The following SHANK2 variants were observed in gnomAD, a reference collection of about 807,000 sequenced individuals.
SHANK2 encodes SH3 and multiple ankyrin repeat domains protein 2.
A neutral mutation model predicts 133.7 loss-of-function variants in SHANK2; 43 were observed. The ratio of observed to expected loss-of-function variants is 0.32; its 90% CI spans 0.25 to 0.41. The LOEUF is 0.41. Among genes scored for constraint, SHANK2 ranks in the 10% least tolerant of loss-of-function variants. The pLI is 1.00. For synonymous variants in SHANK2, 1,017 were observed against 952.8 expected (o/e 1.07, Z -1.24); for missense variants, 1,994 against 2,235.8 (o/e 0.89, Z 2.18).
chr11:70,625,825 A>AC (rs2060897795), intron 17 of SHANK2, among the ~76,000 whole-genome samples: 1 of 151,014 alleles, frequency 6.6e-6, no homozygotes, highest in Admixed American at 6.6e-5. Context: ...AAAAAAAAAA[A>AC]AAAAAAAAAA....
At chr11:70,546,409 C>G (rs1480634567) in intron 17 of SHANK2, among the ~76,000 whole-genome samples, 4 of 152,136 alleles carry the variant, frequency 2.6e-5, no homozygotes, top group Non-Finnish European at 5.9e-5. Context: ...TCCGCCTCCC[C>G]TAAGTATCAT....
chr11:70,892,028 C>T (rs1565387922), intron 11 of SHANK2, among the ~76,000 whole-genome samples: 2 of 152,172 alleles, frequency 1.3e-5, no homozygotes, highest in Non-Finnish European at 2.9e-5. Flanking sequence ...TGATGTCTCT[C>T]GAAAGCTCAG....
At chr11:71,167,501 G>T (rs373605953) in intron 2 of SHANK2, among the ~76,000 whole-genome samples, 2 of 124,534 alleles carry the variant, frequency 1.6e-5, no homozygotes, top group Non-Finnish European at 3.3e-5. Context: ...GGGCAGAGGC[G>T]CCCCTCACCT....
intron 14 of SHANK2, among the ~76,000 whole-genome samples, chr11:70,790,648 C>T (rs1048217777): frequency 9.2e-5 from 14 of 152,190 alleles, no homozygotes; most frequent in South Asian, 2.1e-4. Context: ...TTCCCATGAT[C>T]GGGTGAGCCA....
intron 5 of SHANK2, among the ~76,000 whole-genome samples, 177 bp downstream of exon 5, chr11:71,113,116 G>A (rs546350742): frequency 2.4e-4 from 37 of 152,264 alleles, no homozygotes; most frequent in African/African-American, 7.2e-4. Flanking sequence ...CTCCCGGGTG[G>A]GTCTCCGCAG....
At chr11:70,580,532 T>C (rs1181597258) in intron 17 of SHANK2, among the ~76,000 whole-genome samples, 1 of 152,230 alleles carries the variant, frequency 6.6e-6, no homozygotes, top group African/African-American at 2.4e-5. Context: ...GTCTGGGCAG[T>C]CTGGGTCTGC....
intron 17 of SHANK2, among the ~76,000 whole-genome samples, chr11:70,628,332 A>G (rs190413745): frequency 6.6e-6 from 1 of 152,262 alleles, no homozygotes; most frequent in Non-Finnish European, 1.5e-5. Context: ...CGTGGAAGCC[A>G]AATTCTGACG....
chr11:70,629,782 A>G lies in SHANK2; in HGVS notation c.2061+30046T>C, dbSNP rs901410238. On this transcript the variant is annotated intron_variant, in intron 17 of 25. Transcript: ENST00000601538. ...CTAATGCCCTGACTCCAATAAGCCT[A>G]TCTCTGGGCCTCAGTTTCCCCAAGT... Among the ~76,000 whole-genome samples the G allele has an allele frequency of 1.6e-4, 25 of 152,150 alleles. 1 individual carries two copies. Among genetic ancestry groups the G allele is most frequent in the African/African-American group, 5.1e-4 (21 of 41,436 alleles).
intron 10 of SHANK2, among the ~76,000 whole-genome samples, chr11:70,929,605 G>C (rs781957537): frequency 6.6e-6 from 1 of 152,080 alleles, no homozygotes; most frequent in Non-Finnish European, 1.5e-5. Context: ...TCCGACCTCC[G>C]TGCCTGTTGT....
chr11:70,685,389 G>T (rs1945123155), intron 15 of SHANK2, among the ~76,000 whole-genome samples: 1 of 152,116 alleles, frequency 6.6e-6, no homozygotes, highest in Non-Finnish European at 1.5e-5. Context: ...CATGGTGCCA[G>T]CTGTTATACC....
At chr11:70,637,321 G>A (rs1462891210) in intron 17 of SHANK2, among the ~76,000 whole-genome samples, 1 of 152,156 alleles carries the variant, frequency 6.6e-6, no homozygotes, top group African/African-American at 2.4e-5. Flanking sequence ...GGCCCAGGCT[G>A]GTGCTGAGTA....
chr11:70,672,462 C>T (rs1395975234), intron 15 of SHANK2, among the ~76,000 whole-genome samples: 1 of 152,194 alleles, frequency 6.6e-6, no homozygotes, highest in Non-Finnish European at 1.5e-5. Context: ...CCTCCCATTC[C>T]AGCCATGCTG....
intron 2 of SHANK2, among the ~76,000 whole-genome samples, chr11:71,154,583 A>C (rs1555108686): frequency 6.6e-6 from 1 of 152,234 alleles, no homozygotes; most frequent in Non-Finnish European, 1.5e-5. Flanking sequence ...AAGGGGGTGG[A>C]CTGCTCTGGA....
chr11:70,746,847 C>T (rs532236832), intron 14 of SHANK2, among the ~76,000 whole-genome samples: 1 of 152,192 alleles, frequency 6.6e-6, no homozygotes, highest in South Asian at 2.1e-4. Flanking sequence ...CCTTTCCATC[C>T]CAGCCTCAGG....
chr11:70,701,330 T>G (rs1232966083), intron 14 of SHANK2, among the ~76,000 whole-genome samples: 1 of 152,152 alleles, frequency 6.6e-6, no homozygotes, highest in East Asian at 1.9e-4. Flanking sequence ...ATTCACCAAG[T>G]TTTACATTTG....
intron 17 of SHANK2, among the ~76,000 whole-genome samples, chr11:70,542,930 C>T (rs1270962837): frequency 6.6e-6 from 1 of 152,158 alleles, no homozygotes; most frequent in African/African-American, 2.4e-5. Context: ...CTGGAGATCT[C>T]AGCAGGAAGG....
At chr11:70,745,961 G>A (rs909030817) in intron 14 of SHANK2, among the ~76,000 whole-genome samples, 3 of 152,218 alleles carry the variant, frequency 2.0e-5, no homozygotes, top group Non-Finnish European at 2.9e-5. Context: ...GCGCATTTAC[G>A]GAAAAGAAGG....
chr11:70,595,344 T>C (rs2060385368), intron 17 of SHANK2, among the ~76,000 whole-genome samples: 1 of 152,216 alleles, frequency 6.6e-6, no homozygotes, highest in Non-Finnish European at 1.5e-5. Flanking sequence ...CTGCGTTTGT[T>C]AAAAATACGC....
At chr11:70,901,213 T>C (rs1315850756) in intron 10 of SHANK2, among the ~76,000 whole-genome samples, 1 of 152,218 alleles carries the variant, frequency 6.6e-6, no homozygotes, top group African/African-American at 2.4e-5. Flanking sequence ...AAACTCTTCA[T>C]CTAATCACCT....
Sources: gnomAD v4.1 joint callset for allele counts (sites outside exome capture counted in the v4.1 genomes callset) on GRCh38, gnomAD v4.1.1 for gene constraint, MANE v1.5 for transcripts, NCBI Gene and HGNC (gene_info 2026-07-23, HGNC 2026-07-21) for gene names.